The following TRIM9 variants were observed in gnomAD, a reference collection of about 807,000 sequenced individuals.
TRIM9 encodes the protein tripartite motif containing 9.
Under a neutral mutation model 78.3 loss-of-function variants are expected in TRIM9, and 26 were observed. The observed-to-expected ratio is 0.33, with a 90% CI of 0.24 to 0.46. TRIM9 has a LOEUF of 0.46. Among genes scored for constraint, TRIM9 ranks in the 20% least tolerant of loss-of-function variants. TRIM9 has a pLI of 1.00. For missense variants in TRIM9, 787 were observed against 1,036.4 expected (o/e 0.76, Z 3.30); for synonymous variants, 398 against 416.5 (o/e 0.96, Z 0.54).
intron 6 of TRIM9, among the ~76,000 whole-genome samples, chr14:50,998,501 TA>T (rs1036659423): frequency 1.3e-5 from 2 of 152,092 alleles, no homozygotes; most frequent in Admixed American, 6.5e-5. Context: ...AGCTAGGGCT[TA>T]AAAAAAATAA....
chr14:51,023,522 C>T (rs2057953301), intron 2 of TRIM9, among the ~76,000 whole-genome samples: 1 of 152,200 alleles, frequency 6.6e-6, no homozygotes, highest in Non-Finnish European at 1.5e-5. Context: ...TAACAGGGAT[C>T]ACCCTGCCAT....
At chr14:51,053,593 TAA>T (rs1566619497) in intron 1 of TRIM9, among the ~76,000 whole-genome samples, 4,567 of 114,218 alleles carry the variant, frequency 0.04, 56 homozygotes, top group African/African-American at 0.058. Flanking sequence ...TTTTTTTTTT[TAA>T]TTTTTTTTTT....
intron 5 of TRIM9, among the ~76,000 whole-genome samples, chr14:51,002,507 T>C (rs2055213910): frequency 1.3e-5 from 2 of 152,142 alleles, no homozygotes; most frequent in Admixed American, 1.3e-4. Flanking sequence ...CTATTATTAC[T>C]TTAGTACTTT....
Position 50,979,333 on chromosome 14 carries a change from C to T in TRIM9, c.2325+54G>A, listed in dbSNP as rs1056824216. 1.9e-6 allele frequency: 3 copies of T among 1,613,956 alleles called. No individual in the cohort carries two copies. The African/African-American group carries it at 4.0e-5, about 22-fold the overall frequency. ...GGTTGGATTGAACGGCCCTGGGCAGCCTTTGAACCGGTAGCCAGCAACAGC... is the reference window on the plus strand; with the variant it reads ...GGTTGGATTGAACGGCCCTGGGCAGTCTTTGAACCGGTAGCCAGCAACAGC... On this transcript the variant is annotated intron_variant, in intron 12 of 12. Transcript: ENST00000684578.
intron 3 of TRIM9, among the ~76,000 whole-genome samples, chr14:51,013,522 T>C (rs1253769917): frequency 1.3e-5 from 2 of 152,202 alleles, no homozygotes; most frequent in African/African-American, 2.4e-5. Flanking sequence ...AATTTTCTGA[T>C]AGATGATTTG....
chr14:51,081,408 T>C (rs1260761026), intron 1 of TRIM9, among the ~76,000 whole-genome samples: 1 of 152,184 alleles, frequency 6.6e-6, no homozygotes, highest in Admixed American at 6.5e-5. Flanking sequence ...GAATGTAAGA[T>C]GGTATAGCTT....
rs1373995282 is a variant in TRIM9, at chr14:50,981,851, T to C, written c.2111A>G (p.Tyr704Cys). The C allele has an allele frequency of 1.2e-6, 2 of 1,614,240 alleles. No homozygotes were observed. The highest frequency in any genetic ancestry group is 1.1e-5 in the South Asian group (1 of 91,088). Reference sequence around the variant, plus strand: ...GAACCAGCTCCGGTTATTGTCCACATACATTGCCCAAGCTTTGTCGTCTTT... The same window carrying C: ...GAACCAGCTCCGGTTATTGTCCACACACATTGCCCAAGCTTTGTCGTCTTT... ...LGKDDKAWAM[Y>C]VDNNRSWFMH... Residue 704 changes from tyrosine to cysteine, a missense_variant, in exon 11 of 13, where the codon TAT becomes TGT. Tyr to Cys is a radical substitution (Grantham distance 194). This residue lies in a region of TRIM9 where 421 missense variants were observed against 514.3 expected (regional missense o/e 0.82). Coordinates refer to ENST00000684578, the MANE Select transcript of TRIM9 (RefSeq NM_001387360.1).
chr14:50,977,323 C>A lies in TRIM9; in HGVS notation c.2356G>T (p.Asp786Tyr). Residue 786 changes from aspartate to tyrosine, a missense_variant, in exon 13 of 13, where the codon GAC becomes TAC. This residue lies in a region of TRIM9 where 421 missense variants were observed against 514.3 expected (regional missense o/e 0.82). Coordinates refer to ENST00000684578, the MANE Select transcript of TRIM9 (RefSeq NM_001387360.1). ...ATTGATGCTCTGCTGGAGTAGAAGT[C>A]GGGGACTGGGAGCCCGGTGTGCAGC... ...VTLHTGLPVP[D>Y]FYSSRASIA 3 of 1,547,314 alleles carry A rather than the reference C, an allele frequency of 1.9e-6. No homozygotes were observed. The highest frequency in any genetic ancestry group is 1.2e-5 in the South Asian group (1 of 82,094).
Position 50,986,053 on chromosome 14 carries a change from A to C in TRIM9, c.1695T>G (p.Asn565Lys). ...ATCTCCCGGGGAAGCTGGGTTGTAG[A>C]TTAAGGGTGGAGGAGAAAGGACTCA... ...RRMSPFSSTL[N>K]LQPSFPGRSY... The change falls in exon 8 of 13, where the codon AAT becomes AAG. Residue 565 changes from asparagine to lysine, a missense_variant. By Grantham distance (94) the Asn-to-Lys change is moderately conservative. This residue lies in a region of TRIM9 where 421 missense variants were observed against 514.3 expected (regional missense o/e 0.82). Coordinates refer to ENST00000684578, the MANE Select transcript of TRIM9 (RefSeq NM_001387360.1). 6.5e-7 allele frequency: 1 copy of C among 1,550,124 alleles called. No individual in the cohort carries two copies. The highest frequency in any genetic ancestry group is 8.7e-7 in the Non-Finnish European group (1 of 1,146,750).
chr14:51,022,000 G>C (rs1037259768), intron 3 of TRIM9, among the ~76,000 whole-genome samples: 2 of 151,598 alleles, frequency 1.3e-5, no homozygotes, highest in Admixed American at 1.3e-4. Context: ...ACATTTTTTT[G>C]CCTGTGTATG....
intron 1 of TRIM9, among the ~76,000 whole-genome samples, chr14:51,048,458 G>A (rs1448441216): frequency 6.6e-6 from 1 of 152,216 alleles, no homozygotes; most frequent in Non-Finnish European, 1.5e-5. Flanking sequence ...TCATGTGTTT[G>A]TCTGCCTGTC....
intron 1 of TRIM9, among the ~76,000 whole-genome samples, chr14:51,059,532 G>C (rs549462197): frequency 2.6e-4 from 39 of 152,316 alleles, no homozygotes; most frequent in East Asian, 1.9e-3. Context: ...GGGCACAGTG[G>C]CTCATGCCTG....
At chr14:51,077,689 C>T (rs548680171) in intron 1 of TRIM9, among the ~76,000 whole-genome samples, 3 of 152,254 alleles carry the variant, frequency 2.0e-5, no homozygotes, top group South Asian at 2.1e-4. Context: ...TCACCACTCC[C>T]GGCTGTCCTA....
intron 1 of TRIM9, among the ~76,000 whole-genome samples, chr14:51,086,916 T>G (rs75680591): frequency 0.12 from 18,326 of 152,020 alleles, 1,538 homozygotes; most frequent in Admixed American, 0.25. Context: ...TCAAAAAAAG[T>G]TTTCTTGCTT....
chr14:51,026,517 C>T (rs1415588107), intron 1 of TRIM9, among the ~76,000 whole-genome samples: 6 of 152,160 alleles, frequency 3.9e-5, no homozygotes, highest in Admixed American at 3.3e-4. Flanking sequence ...GGTACAGAGA[C>T]AGACTCCCTT....
At chr14:51,044,106 A>C (rs372156723) in intron 1 of TRIM9, among the ~76,000 whole-genome samples, 15 of 152,292 alleles carry the variant, frequency 9.8e-5, no homozygotes, top group East Asian at 3.9e-4. Context: ...AATTTAAAAA[A>C]TTTGCACAAG....
chr14:51,088,015 C>T (rs2063928187), intron 1 of TRIM9, among the ~76,000 whole-genome samples: 1 of 152,076 alleles, frequency 6.6e-6, no homozygotes, highest in Non-Finnish European at 1.5e-5. Flanking sequence ...GTATTCCAGT[C>T]CATACATATA....
At chr14:50,977,423 G>T (rs578005423) in intron 12 of TRIM9, 70 bp from the exon 13 acceptor site, 28 of 1,224,834 alleles carry the variant, frequency 2.3e-5, no homozygotes, top group Non-Finnish European at 3.0e-5. Context: ...GTGTACCGTG[G>T]GTGTGTCCCT....
At chr14:51,046,222 G>A (rs1199075663) in intron 1 of TRIM9, among the ~76,000 whole-genome samples, 3 of 152,074 alleles carry the variant, frequency 2.0e-5, no homozygotes, top group Non-Finnish European at 4.4e-5. Context: ...TTACAATAGG[G>A]CAACGCAAGG....
Sources: allele counts gnomAD v4.1 joint callset (sites outside exome capture counted in the v4.1 genomes callset), GRCh38; gene constraint gnomAD v4.1.1; regional missense constraint gnomAD v4.1.1; transcripts MANE v1.5; gene names NCBI Gene and HGNC (gene_info 2026-07-23, HGNC 2026-07-21).